The following SORCS1 variants were observed in gnomAD, a reference collection of about 807,000 sequenced individuals.
The protein encoded by SORCS1 is sortilin related VPS10 domain containing receptor 1.
A neutral mutation model predicts 146.1 loss-of-function variants in SORCS1; 60 were observed. The observed-to-expected ratio is 0.41, with a 90% confidence interval of 0.33 to 0.51. The LOEUF (loss-of-function observed/expected upper bound fraction) is 0.51. Ranked by LOEUF, SORCS1 falls within the 20% of genes least tolerant of loss-of-function variation. SORCS1 has a pLI of 0.21. For synonymous variants in SORCS1, 637 were observed against 584.0 expected (o/e 1.09, Z -1.31); for missense variants, 1,352 against 1,487.6 (o/e 0.91, Z 1.50).
chr10:107,177,282 A>G, the SORCS1 span, among the ~76,000 whole-genome samples: 2,997 of 152,066 alleles, frequency 0.02, 96 homozygotes, highest in African/African-American at 0.067. Context: ...TCAGCTTTTT[A>G]TTTTGAGATA....
At position 106,960,460 on chromosome 10, in the gene SORCS1, A is replaced by G. The variant is rs953606515; in HGVS notation, c.559-3880T>C. ...TCGCTCTGTCGCCAGGCTGGAGTGCAGTGGCGTGATCTCGGCTCACTGCAA... is the reference window on the plus strand; with the variant it reads ...TCGCTCTGTCGCCAGGCTGGAGTGCGGTGGCGTGATCTCGGCTCACTGCAA... On this transcript the variant is annotated intron_variant, in intron 1 of 25. Coordinates refer to ENST00000263054, the MANE Select transcript of SORCS1 (RefSeq NM_052918.5). The surrounding 1 kb of genome is among the most constrained non-coding windows in gnomAD (Gnocchi z 4.4). Among the ~76,000 whole-genome samples the G allele has an allele frequency of 1.3e-5, 2 of 150,570 alleles. No homozygotes were observed. Among genetic ancestry groups the G allele is most frequent in the Non-Finnish European group, 3.0e-5 (2 of 67,776 alleles).
In SORCS1 at chr10:106,960,151, T is replaced by C. The variant is rs949256404; in HGVS notation, c.559-3571A>G. On this transcript the variant is annotated intron_variant, in intron 1 of 25. Coordinates refer to ENST00000263054, the MANE Select transcript of SORCS1 (RefSeq NM_052918.5). The surrounding 1 kb of genome is among the most constrained non-coding windows in gnomAD (Gnocchi z 4.4). ...TAAGGTTCCTCTCTAAATCTTAGGATATTATCTTTAAATAGCTATGACCCA... is the reference window on the plus strand; with the variant it reads ...TAAGGTTCCTCTCTAAATCTTAGGACATTATCTTTAAATAGCTATGACCCA... Among the ~76,000 whole-genome samples the C allele has an allele frequency of 6.6e-6, 1 of 152,178 alleles. No individual in the cohort carries two copies. Among genetic ancestry groups the C allele is most frequent in the Admixed American group, 6.5e-5 (1 of 15,286 alleles).
chr10:107,161,280 C>CT (rs1969683755), intron 1 of SORCS1, among the ~76,000 whole-genome samples: 1 of 152,254 alleles, frequency 6.6e-6, no homozygotes, highest in African/African-American at 2.4e-5. Context: ...ATAGCAAAGG[C>CT]TTTTTGCTAA....
At chr10:106,843,803 T>C (rs12573843) in intron 2 of SORCS1, among the ~76,000 whole-genome samples, 7,312 of 152,272 alleles carry the variant, frequency 0.048, 446 homozygotes, top group East Asian at 0.23. Flanking sequence ...TATCCATTGA[T>C]TTCTCAGACA....
intron 1 of SORCS1, among the ~76,000 whole-genome samples, chr10:106,999,565 T>C (rs1957131999): frequency 6.6e-6 from 1 of 152,220 alleles, no homozygotes; most frequent in Non-Finnish European, 1.5e-5. Context: ...ACACATTTTT[T>C]CTCTCATCTC....
intron 1 of SORCS1, among the ~76,000 whole-genome samples, chr10:107,075,381 T>C (rs562363547): frequency 1.3e-5 from 2 of 152,298 alleles, no homozygotes; most frequent in Middle Eastern, 3.4e-3. Flanking sequence ...AGGTCTTCTA[T>C]GATGCAGTTT....
At chr10:106,857,136 C>T (rs1330979889) in intron 2 of SORCS1, among the ~76,000 whole-genome samples, 1 of 152,150 alleles carries the variant, frequency 6.6e-6, no homozygotes, top group Non-Finnish European at 1.5e-5. Context: ...CCCAGATCCC[C>T]AGTCCCCAGG....
intron 1 of SORCS1, among the ~76,000 whole-genome samples, chr10:107,078,278 T>C (rs1186883202): frequency 2.0e-5 from 3 of 152,032 alleles, no homozygotes; most frequent in African/African-American, 7.2e-5. Context: ...CATGCTGGAG[T>C]AGTAGAAGTG....
intron 4 of SORCS1, among the ~76,000 whole-genome samples, chr10:106,773,871 C>CTG (rs1860220624): frequency 6.6e-6 from 1 of 152,122 alleles, no homozygotes. Context: ...ATCGCCTGAA[C>CTG]CCTGGAGGCA....
intron 1 of SORCS1, among the ~76,000 whole-genome samples, chr10:107,162,902 A>T (rs532198062): frequency 1.3e-5 from 2 of 152,224 alleles, no homozygotes; most frequent in South Asian, 4.1e-4. Flanking sequence ...TTTTTCCCCC[A>T]TTTTACCCAT....
At chr10:106,829,009 C>A (rs1462696047) in intron 3 of SORCS1, among the ~76,000 whole-genome samples, 1 of 152,124 alleles carries the variant, frequency 6.6e-6, no homozygotes, top group Non-Finnish European at 1.5e-5. Flanking sequence ...ATCTCCAAGG[C>A]TTCTTGAAGC....
chr10:106,598,831 T>C (rs1415900319), intron 23 of SORCS1, among the ~76,000 whole-genome samples: 1 of 152,114 alleles, frequency 6.6e-6, no homozygotes, highest in Non-Finnish European at 1.5e-5. Context: ...AGCCCCTGAT[T>C]GGTGACAGAA....
intron 1 of SORCS1, among the ~76,000 whole-genome samples, chr10:107,161,252 CA>C (rs771067630): frequency 6.6e-6 from 1 of 152,184 alleles, no homozygotes; most frequent in Non-Finnish European, 1.5e-5. Context: ...CAGGTGTTGT[CA>C]TAATCAGAGA....
chr10:107,035,109 T>A (rs1261013191), intron 1 of SORCS1, among the ~76,000 whole-genome samples: 1 of 151,970 alleles, frequency 6.6e-6, no homozygotes, highest in Non-Finnish European at 1.5e-5. Context: ...TACCACCTTT[T>A]TTTTAATCCC....
intron 1 of SORCS1, among the ~76,000 whole-genome samples, chr10:106,996,329 A>G (rs1957001780): frequency 6.6e-6 from 1 of 152,146 alleles, no homozygotes; most frequent in Non-Finnish European, 1.5e-5. Context: ...TATACAAGGG[A>G]ACAGAATTTA....
intron 1 of SORCS1, among the ~76,000 whole-genome samples, chr10:107,021,462 C>T (rs868761337): frequency 2.9e-5 from 4 of 137,314 alleles, no homozygotes; most frequent in Admixed American, 1.6e-4. Flanking sequence ...TGCAGTGAGC[C>T]GAGAACTCGC....
At chr10:106,977,300 C>CT (rs1201586133) in intron 1 of SORCS1, among the ~76,000 whole-genome samples, 1 of 152,170 alleles carries the variant, frequency 6.6e-6, no homozygotes, top group African/African-American at 2.4e-5. Flanking sequence ...TGATGATGAG[C>CT]TTTTTTTCAT....
At chr10:106,879,675 C>T (rs947169542) in intron 2 of SORCS1, among the ~76,000 whole-genome samples, 12 of 152,168 alleles carry the variant, frequency 7.9e-5, no homozygotes, top group Non-Finnish European at 1.5e-4. Context: ...AAGGACAGCC[C>T]CTGCCATTGC....
chr10:107,049,527 G>A (rs1043935717), intron 1 of SORCS1, among the ~76,000 whole-genome samples: 9 of 152,074 alleles, frequency 5.9e-5, no homozygotes, highest in East Asian at 3.9e-4. Flanking sequence ...GGGACCTGTC[G>A]TAAGTTTAAG....
Sources: gnomAD v4.1 joint callset for allele counts (sites outside exome capture counted in the v4.1 genomes callset) on GRCh38, gnomAD v4.1.1 for gene constraint, Gnocchi (gnomAD v3.1) non-coding constraint, MANE v1.5 for transcripts, NCBI Gene and HGNC (gene_info 2026-07-23, HGNC 2026-07-21) for gene names.